SYT1: variants seen among roughly 807,000 people sequenced by gnomAD.
SYT1 encodes the protein synaptotagmin 1.
Under a neutral mutation model 44.8 loss-of-function variants are expected in SYT1, and 8 were observed. The observed-to-expected ratio is 0.18, with a 90% CI of 0.10 to 0.32. The LOEUF (loss-of-function observed/expected upper bound fraction) is 0.32. Among genes scored for constraint, SYT1 ranks in the 10% least tolerant of loss-of-function variants. SYT1 has a pLI of 1.00. For synonymous variants in SYT1, 154 were observed against 188.8 expected, an observed-to-expected ratio of 0.82 and a Z score of 1.51; for missense variants, 286 against 509.3, an observed-to-expected ratio of 0.56 and a Z score of 4.22.
chr12:78,905,347 G>A lies in SYT1; in HGVS notation c.-217+40238G>A, dbSNP rs537783068. ...GGTTTTGCCATTAAGATCAGCTTTA[G>A]GAGTAAGAATCCACCAATTTCATGG... On this transcript the variant is annotated intron_variant, in intron 1 of 10. Transcript: ENST00000261205. Among the ~76,000 whole-genome samples the A allele has an allele frequency of 3.3e-5, 5 of 152,160 alleles. No individual in the cohort carries two copies. The South Asian group carries it at 1.0e-3, about 32-fold the overall frequency.
Position 79,448,968 on chromosome 12 carries a change from C to T in SYT1, c.1113C>T (p.Asn371=), listed in dbSNP as rs144900171. The T allele has an allele frequency of 1.5e-4, 235 of 1,614,190 alleles. 1 individual carries two copies. In the African/African-American group the frequency reaches 2.4e-3, roughly 17 times the overall value. The change falls in exon 11 of 11, where the codon AAC becomes AAT. Residue 371 remains asparagine, a synonymous_variant. Coordinates refer to ENST00000261205, the MANE Select transcript of SYT1 (RefSeq NM_005639.3). ...TVLDYDKIGK[N]DAIGKVFVGY... ...TGGACTATGACAAGATTGGCAAGAA[C>T]GATGCCATCGGCAAAGTCTTTGTGG...
intron 4 of SYT1, among the ~76,000 whole-genome samples, chr12:79,242,165 T>C (rs1876553536): frequency 6.6e-6 from 1 of 152,166 alleles, no homozygotes; most frequent in Non-Finnish European, 1.5e-5. Context: ...ACAGCAGTCA[T>C]AGGAAACAAA....
chr12:79,049,303 C>T (rs1021365815), intron 3 of SYT1, among the ~76,000 whole-genome samples: 1 of 151,814 alleles, frequency 6.6e-6, no homozygotes, highest in African/African-American at 2.4e-5. Context: ...ATCTCCTGTT[C>T]ATTTGCAGTA....
intron 9 of SYT1, among the ~76,000 whole-genome samples, chr12:79,380,605 C>A (rs568088847): frequency 9.2e-5 from 14 of 152,274 alleles, no homozygotes; most frequent in African/African-American, 3.1e-4. Context: ...CCAGGCTGGT[C>A]TCAAACTCCT....
At chr12:79,367,987 C>A (rs1307890073) in intron 9 of SYT1, among the ~76,000 whole-genome samples, 1 of 151,850 alleles carries the variant, frequency 6.6e-6, no homozygotes, top group Non-Finnish European at 1.5e-5. Context: ...ATGTGCCATG[C>A]TGGTGTGCTG....
rs569760574 is a variant in SYT1 at position 79,399,799 on chromosome 12, C to T, written c.929-44274C>T. ...GGTGCCCAAGAATTTCCATTTCTAACAAGTCCCCAGCTGATGCTGACCTTG... is the reference window on the plus strand; with the variant it reads ...GGTGCCCAAGAATTTCCATTTCTAATAAGTCCCCAGCTGATGCTGACCTTG... On this transcript the variant is annotated intron_variant, in intron 9 of 10. Coordinates refer to ENST00000261205, the MANE Select transcript of SYT1 (RefSeq NM_005639.3). Among the ~76,000 whole-genome samples, 10 of 152,312 alleles carry T rather than the reference C, an allele frequency of 6.6e-5. No individual in the cohort carries two copies. In the South Asian group the frequency reaches 1.9e-3, roughly 28 times the overall value.
intron 2 of SYT1, among the ~76,000 whole-genome samples, chr12:79,001,214 G>A (rs1870717434): frequency 6.6e-6 from 1 of 151,216 alleles, no homozygotes; most frequent in Non-Finnish European, 1.5e-5. Flanking sequence ...GGACTAAAAT[G>A]ATGATATTTT....
At chr12:79,301,120 G>C (rs1216212243) in intron 8 of SYT1, among the ~76,000 whole-genome samples, 1 of 151,976 alleles carries the variant, frequency 6.6e-6, no homozygotes, top group Non-Finnish European at 1.5e-5. Flanking sequence ...GGGTGATAAA[G>C]TAGGACCATA....
chr12:78,962,579 T>A (rs1426643411), intron 1 of SYT1, among the ~76,000 whole-genome samples: 1 of 152,092 alleles, frequency 6.6e-6, no homozygotes, highest in African/African-American at 2.4e-5. Flanking sequence ...TTCCATCTTG[T>A]GTGGTGGGGG....
At chr12:79,056,016 A>G (rs978798471) in intron 3 of SYT1, among the ~76,000 whole-genome samples, 1 of 151,992 alleles carries the variant, frequency 6.6e-6, no homozygotes, top group African/African-American at 2.4e-5. Context: ...AATTGCCTAC[A>G]GTATTCAGTA....
intron 3 of SYT1, among the ~76,000 whole-genome samples, chr12:79,190,635 G>C (rs1873060327): frequency 6.6e-6 from 1 of 152,110 alleles, no homozygotes; most frequent in Non-Finnish European, 1.5e-5. Context: ...TCTCCTTTCA[G>C]AGAAATGACT....
chr12:79,063,284 A>G (rs1379784609), intron 3 of SYT1, among the ~76,000 whole-genome samples: 3 of 152,094 alleles, frequency 2.0e-5, no homozygotes, highest in Non-Finnish European at 4.4e-5. Context: ...TTATCAGGGG[A>G]GAAGGCAGCT....
intron 1 of SYT1, among the ~76,000 whole-genome samples, chr12:78,911,928 A>G (rs183755633): frequency 6.6e-6 from 1 of 152,162 alleles, no homozygotes; most frequent in Non-Finnish European, 1.5e-5. Context: ...TGTTGACAAT[A>G]GTACCTAAAA....
chr12:78,981,125 GTT>G (rs1171068435), intron 2 of SYT1, among the ~76,000 whole-genome samples: 28 of 122,686 alleles, frequency 2.3e-4, no homozygotes, highest in African/African-American at 7.4e-4. Context: ...TTGTTTCTTT[GTT>G]TTTTTTTTTT....
In SYT1 at chr12:78,876,929, T is replaced by A. The variant is rs1305753763; in HGVS notation, c.-217+11820T>A. ...TTATATGTATTATATATAATATATA[T>A]TATATATTATATATAGTGTATTTTG... On this transcript the variant is annotated intron_variant, in intron 1 of 10. Coordinates refer to ENST00000261205, the MANE Select transcript of SYT1 (RefSeq NM_005639.3). 5.2e-5 allele frequency among the ~76,000 whole-genome samples: 6 copies of A among 115,884 alleles called. No individual in the cohort carries two copies. In the South Asian group the frequency reaches 7.1e-4, roughly 14 times the overall value. 76.0% of individuals were successfully genotyped at this position (115,884 alleles called of 152,430 possible). A position where few individuals can be genotyped will look rare whatever the true frequency, so the allele number is the denominator to read the frequency against.
At chr12:79,075,009 C>T (rs2137920222) in intron 3 of SYT1, among the ~76,000 whole-genome samples, 1 of 152,218 alleles carries the variant, frequency 6.6e-6, no homozygotes, top group East Asian at 1.9e-4. Context: ...ATCGTAAATA[C>T]CCTGGATCTC....
intron 3 of SYT1, among the ~76,000 whole-genome samples, chr12:79,200,373 G>A (rs1167482542): frequency 6.6e-6 from 1 of 152,054 alleles, no homozygotes; most frequent in Non-Finnish European, 1.5e-5. Context: ...TTTATTAAAG[G>A]AGAATTGCCT....
intron 1 of SYT1, among the ~76,000 whole-genome samples, chr12:78,895,663 T>C (rs12301770): frequency 0.035 from 5,327 of 151,806 alleles, 323 homozygotes; most frequent in African/African-American, 0.12. Context: ...AAATGAATGA[T>C]TGTGAAATGT....
intron 1 of SYT1, among the ~76,000 whole-genome samples, chr12:78,936,511 T>G (rs1399010074): frequency 6.6e-6 from 1 of 152,182 alleles, no homozygotes; most frequent in Non-Finnish European, 1.5e-5. Context: ...GCCTGTTTAT[T>G]TTCTTTATTC....
Sources: gnomAD v4.1 joint callset for allele counts (sites outside exome capture counted in the v4.1 genomes callset) on GRCh38, gnomAD v4.1.1 for gene constraint, MANE v1.5 for transcripts, NCBI Gene and HGNC (gene_info 2026-07-23, HGNC 2026-07-21) for gene names.